ADAM18: variants seen among roughly 807,000 people sequenced by gnomAD.
The protein encoded by ADAM18 is disintegrin and metalloproteinase domain-containing protein 18.
In ADAM18, 117 loss-of-function variants were observed where a neutral mutation model predicts 94.4. That is an observed-to-expected ratio of 1.24 (90% CI 1.07 to 1.45). The LOEUF is 1.45. ADAM18 is among the 40% of genes most tolerant of loss of function. ADAM18 has a pLI of 0.00. For synonymous variants in ADAM18, 327 were observed against 291.6 expected (o/e 1.12, Z -1.24); for missense variants, 936 against 880.0 (o/e 1.06, Z -0.81).
chr8:39,688,212 AC>A (rs1821663577), intron 16 of ADAM18, among the ~76,000 whole-genome samples: 1 of 152,002 alleles, frequency 6.6e-6, no homozygotes, highest in Non-Finnish European at 1.5e-5. Flanking sequence ...GTGATGATGA[AC>A]TTTTTTTTCT....
chr8:39,714,663 A>G (rs540466165), intron 18 of ADAM18, among the ~76,000 whole-genome samples: 2 of 152,118 alleles, frequency 1.3e-5, no homozygotes, highest in Admixed American at 6.6e-5. Context: ...AAAATCCTCT[A>G]TAAGAGTTGA....
Position 39,723,791 on chromosome 8 carries a change from C to T in ADAM18, c.2061C>T (p.Asn687=). Residue 687 remains asparagine, a synonymous_variant, in exon 19 of 20, where the codon AAC becomes AAT. Transcript: ENST00000265707. ...AAGGCTACAATACACACTGGAACAA[C>T]TGGTTTATTCTGAGTTTCTGCATTT... ...TEKGYNTHWN[N]WFILSFCIFL... 3 of 1,583,126 alleles carry T rather than the reference C, an allele frequency of 1.9e-6. No homozygotes were observed. The highest frequency in any genetic ancestry group is 2.4e-5 in the South Asian group (2 of 84,902).
chr8:39,725,518 A>G (rs962418124), intron 19 of ADAM18, among the ~76,000 whole-genome samples: 1 of 152,150 alleles, frequency 6.6e-6, no homozygotes, highest in Admixed American at 6.5e-5. Context: ...TCTCTTGGCA[A>G]CCACTGTTCT....
At chr8:39,666,186 C>CA (rs1450668224) in intron 13 of ADAM18, among the ~76,000 whole-genome samples, 3 of 152,198 alleles carry the variant, frequency 2.0e-5, no homozygotes, top group African/African-American at 7.2e-5. Context: ...TACAGGCACA[C>CA]ACCACCATGC....
chr8:39,638,649 T>A, intron 10 of ADAM18, 103 bp downstream of exon 10: 1 of 562,854 alleles, frequency 1.8e-6, no homozygotes, highest in Non-Finnish European at 2.9e-6. Context: ...CATTTGATCT[T>A]TTTCTGTATA....
intron 15 of ADAM18, among the ~76,000 whole-genome samples, chr8:39,679,112 G>C (rs1330002100): frequency 6.6e-6 from 1 of 152,150 alleles, no homozygotes; most frequent in Non-Finnish European, 1.5e-5. Flanking sequence ...ATGTAATTTA[G>C]GTTCTGGCTC....
At position 39,692,592 on chromosome 8, in the gene ADAM18, T is replaced by G; in HGVS notation, c.1822-8T>G. ...TGAATTGTAAAATTTTTGTTTGTTT[T>G]GTTTTAGTACTGTGTAAATAAAACC... On this transcript the variant is annotated splice_region_variant and splice_polypyrimidine_tract_variant and intron_variant, in intron 16 of 19. Transcript: ENST00000265707. 1 of 1,541,014 alleles carries G rather than the reference T, an allele frequency of 6.5e-7. No individual in the cohort carries two copies. Among genetic ancestry groups the G allele is most frequent in the Non-Finnish European group, 8.7e-7 (1 of 1,143,794 alleles).
intron 2 of ADAM18, among the ~76,000 whole-genome samples, chr8:39,586,828 GT>G (rs1401042318): frequency 6.6e-6 from 1 of 151,262 alleles, no homozygotes; most frequent in Non-Finnish European, 1.5e-5. Flanking sequence ...CATCTATTCT[GT>G]TTTTTCCCCA....
chr8:39,617,834 T>C (rs531154767), intron 6 of ADAM18, among the ~76,000 whole-genome samples: 1 of 152,244 alleles, frequency 6.6e-6, no homozygotes, highest in East Asian at 1.9e-4. Flanking sequence ...CTGGGCCTAC[T>C]TGAGAATGTA....
intron 18 of ADAM18, among the ~76,000 whole-genome samples, chr8:39,716,135 T>C (rs1822569908): frequency 6.6e-6 from 1 of 151,060 alleles, no homozygotes; most frequent in Admixed American, 6.6e-5. Flanking sequence ...TTTGCCATTT[T>C]AAAAACAGCT....
At chr8:39,682,708 T>A (rs1821500514) in intron 16 of ADAM18, among the ~76,000 whole-genome samples, 1 of 152,314 alleles carries the variant, frequency 6.6e-6, no homozygotes, top group South Asian at 2.1e-4. Context: ...TATATATTGA[T>A]GGGCTTGGGG....
At chr8:39,641,119 C>A (rs1040569438) in intron 10 of ADAM18, among the ~76,000 whole-genome samples, 1 of 152,054 alleles carries the variant, frequency 6.6e-6, no homozygotes, top group African/African-American at 2.4e-5. Flanking sequence ...CATAGCTTGT[C>A]TTCCAGGGTT....
chr8:39,714,276 C>A (rs1214590679), intron 18 of ADAM18, among the ~76,000 whole-genome samples: 1 of 152,044 alleles, frequency 6.6e-6, no homozygotes, highest in Non-Finnish European at 1.5e-5. Context: ...ACATCACACA[C>A]CAGGGCCTGT....
chr8:39,715,349 A>G (rs1822539096), intron 18 of ADAM18, among the ~76,000 whole-genome samples: 1 of 152,052 alleles, frequency 6.6e-6, no homozygotes, highest in African/African-American at 2.4e-5. Flanking sequence ...AATGCACAGC[A>G]TGGAATGCGT....
At chr8:39,717,898 T>C (rs1822623880) in intron 18 of ADAM18, among the ~76,000 whole-genome samples, 1 of 151,536 alleles carries the variant, frequency 6.6e-6, no homozygotes, top group South Asian at 2.1e-4. Context: ...CAAAATACCT[T>C]ATAACTTGTT....
chr8:39,636,381 C>T (rs1001007613), intron 7 of ADAM18, among the ~76,000 whole-genome samples: 3 of 152,050 alleles, frequency 2.0e-5, no homozygotes, highest in Non-Finnish European at 2.9e-5. Context: ...ATTATATATT[C>T]TTTGAACTTT....
At chr8:39,631,579 A>G (rs1819931747) in intron 7 of ADAM18, among the ~76,000 whole-genome samples, 1 of 151,912 alleles carries the variant, frequency 6.6e-6, no homozygotes, top group South Asian at 2.1e-4. Context: ...TGTGTTCATT[A>G]CTGTAGCTTT....
chr8:39,705,548 G>A (rs1822219545), intron 17 of ADAM18, among the ~76,000 whole-genome samples: 1 of 152,002 alleles, frequency 6.6e-6, no homozygotes, highest in Admixed American at 6.6e-5. Context: ...AACAAAGCAA[G>A]ACCCCATCTA....
At chr8:39,610,969 T>A (rs1369626832) in intron 6 of ADAM18, 1 of 1,210,064 alleles carries the variant, frequency 8.3e-7, no homozygotes, top group Middle Eastern at 3.2e-4. Context: ...AGTTTAGAAA[T>A]GCAGAAAGAA....
Sources: allele counts gnomAD v4.1 joint callset (sites outside exome capture counted in the v4.1 genomes callset), GRCh38; gene constraint gnomAD v4.1.1; transcripts MANE v1.5; gene names NCBI Gene and HGNC (gene_info 2026-07-23, HGNC 2026-07-21).